The following ERBB2 variants were observed in gnomAD, a reference collection of about 807,000 sequenced individuals.
ERBB2 encodes erb-b2 receptor tyrosine kinase 2.
A neutral mutation model predicts 149.0 loss-of-function variants in ERBB2; 61 were observed. The ratio of observed to expected loss-of-function variants is 0.41; its 90% CI spans 0.33 to 0.51. ERBB2 has a LOEUF of 0.51. Ranked by LOEUF, ERBB2 falls within the 20% of genes least tolerant of loss-of-function variation. ERBB2 has a pLI of 0.25. For missense variants in ERBB2, 1,205 were observed against 1,655.1 expected (o/e 0.73, Z 4.72); for synonymous variants, 633 against 678.8 (o/e 0.93, Z 1.05).
rs1169487412 is a variant in ERBB2, at chr17:39,727,164, T to C, written c.3160-131T>C. ...TGCCTTCCAACCCCTGTGACCCCAT[T>C]CTCTCCACGGTGACTGTGTCATACC... is the stretch of plus-strand genomic sequence containing the variant. On this transcript the variant is annotated intron_variant, in intron 25 of 26. Coordinates refer to ENST00000269571, the MANE Select transcript of ERBB2 (RefSeq NM_004448.4). This position sits in a 1 kb window ranked among gnomAD's most constrained non-coding sequence, Gnocchi z 4.3. 4 of 1,285,342 alleles carry C rather than the reference T, an allele frequency of 3.1e-6. No individual in the cohort carries two copies. The highest frequency in any genetic ancestry group is 3.3e-6 in the Non-Finnish European group (3 of 916,396). The allele number at this position is 1,285,342 out of a possible 1,614,324, so 79.6% of individuals were successfully genotyped here.
At chr17:39,700,332 G>A in intron 1 of ERBB2, 21 bp downstream of exon 1, 1 of 1,358,634 alleles carries the variant, frequency 7.4e-7, no homozygotes, top group Non-Finnish European at 9.5e-7. Flanking sequence ...TGTGGGGAGG[G>A]GACGGAGCAG....
At chr17:39,693,586 A>G (rs1002830623), upstream of ERBB2, among the ~76,000 whole-genome samples, 2 of 151,548 alleles carry the variant, frequency 1.3e-5, no homozygotes, top group African/African-American at 4.8e-5. Context: ...GGCTAAAGCA[A>G]TCCTCTACTA....
chr17:39,728,098 G>A lies in ERBB2; in HGVS notation c.*54G>A. ...GATGTGTCCTCAGGGAGCAGGGAAG[G>A]CCTGACTTCTGCTGGCATCAAGAGG... On this transcript the variant is annotated 3_prime_UTR_variant, in exon 27 of 27. Transcript: ENST00000269571. 7.6e-7 allele frequency: 1 copy of A among 1,316,436 alleles called. No individual in the cohort carries two copies. The highest frequency in any genetic ancestry group is 2.2e-5 in the Admixed American group (1 of 44,770). The allele number at this position is 1,316,436 out of a possible 1,614,324, so 81.5% of individuals were successfully genotyped here. A position where few individuals can be genotyped will look rare whatever the true frequency, so the allele number is the denominator to read the frequency against.
At chr17:39,715,964 C>T in intron 12 of ERBB2, 25 bp downstream of exon 12, 2 of 1,597,936 alleles carry the variant, frequency 1.3e-6, no homozygotes, top group South Asian at 1.1e-5. Flanking sequence ...CCAGTGTGCG[C>T]ACTCCCCATC....
upstream of ERBB2, among the ~76,000 whole-genome samples, chr17:39,694,282 T>A (rs2057804019): frequency 1.8e-5 from 1 of 56,932 alleles, no homozygotes; most frequent in Admixed American, 1.8e-4. Flanking sequence ...TGTATATATA[T>A]ATATATACAC....
In ERBB2 at chr17:39,727,648, G is replaced by C. The variant is rs755006466; in HGVS notation, c.3413-41G>C. 1 of 1,548,244 alleles carries C rather than the reference G, an allele frequency of 6.5e-7. No individual in the cohort carries two copies. Among genetic ancestry groups the C allele is most frequent in the Admixed American group, 2.1e-5 (1 of 47,034 alleles). ...GCAGAGGGAGTGGCAGAGACACCGG[G>C]GTTCCTTCCCCTAATGGGTCACCTT... On this transcript the variant is annotated intron_variant, in intron 26 of 26. Transcript: ENST00000269571. The surrounding 1 kb of genome is among the most constrained non-coding windows in gnomAD (Gnocchi z 4.3).
chr17:39,705,284 C>T (rs564646063), intron 1 of ERBB2, among the ~76,000 whole-genome samples: 10 of 151,964 alleles, frequency 6.6e-5, no homozygotes, highest in Admixed American at 4.6e-4. Context: ...CGGACCCTGC[C>T]CCAGCCCTGT....
upstream of ERBB2, chr17:39,699,457 G>C: frequency 8.2e-7 from 1 of 1,224,584 alleles, no homozygotes; most frequent in Non-Finnish European, 1.1e-6. Flanking sequence ...GCAAAAGTTC[G>C]TTTAAAAAAA....
At chr17:39,714,378 T>G (rs1187990512) in intron 9 of ERBB2, among the ~76,000 whole-genome samples, 2 of 152,226 alleles carry the variant, frequency 1.3e-5, no homozygotes, top group Non-Finnish European at 2.9e-5. Context: ...GGAGCCAGAC[T>G]GCCTGGGTTT....
At chr17:39,695,704 TACACACACACAC>T (rs56249643), upstream of ERBB2, among the ~76,000 whole-genome samples, 986 of 96,650 alleles carry the variant, frequency 0.01, 22 homozygotes, top group African/African-American at 0.032. Context: ...GGTGCATGCA[TACACACACACAC>T]ACACACACAC....
chr17:39,708,167 C>A, intron 2 of ERBB2, 154 bp from the exon 3 acceptor site: 1 of 592,628 alleles, frequency 1.7e-6, no homozygotes, highest in South Asian at 2.2e-5. Flanking sequence ...AGGGCGTGAT[C>A]TTTATCTCTA....
At position 39,725,323 on chromosome 17, in the gene ERBB2, C is replaced by T. The variant is rs1350400134; in HGVS notation, c.2650-4C>T. On this transcript the variant is annotated splice_region_variant and splice_polypyrimidine_tract_variant and intron_variant, in intron 21 of 26. Transcript: ENST00000269571. The surrounding 1 kb of genome is among the most constrained non-coding windows in gnomAD (Gnocchi z 4.6). ...TTGGAGGACTTCCTCTTCTGCCCTC[C>T]CAGGTGCCCATCAAGTGGATGGCGC... 1 of 1,614,056 alleles carries T rather than the reference C, an allele frequency of 6.2e-7. No homozygotes were observed.
rs1232607400 is a variant in ERBB2, at chr17:39,723,697, A to T, written c.2208+37A>T. 6.3e-7 allele frequency: 1 copy of T among 1,584,256 alleles called. No individual in the cohort carries two copies. The highest frequency in any genetic ancestry group is 1.8e-5 in the Admixed American group (1 of 55,076). On this transcript the variant is annotated intron_variant, in intron 18 of 26. Transcript: ENST00000269571. This position sits in a 1 kb window ranked among gnomAD's most constrained non-coding sequence, Gnocchi z 6.2. ...GTCCTGGGGTGGGCGGCCCCAGAGG[A>T]TGGGGGCGGTGCCTGGAGGGGTGTG...
chr17:39,698,461 G>A (rs535602473), upstream of ERBB2, among the ~76,000 whole-genome samples: 28 of 151,552 alleles, frequency 1.8e-4, no homozygotes, highest in Admixed American at 2.6e-4. Flanking sequence ...GGGTTTCACC[G>A]TGTTAGCCAG....
Position 39,725,092 on chromosome 17 carries a change from T to G in ERBB2, c.2537T>G (p.Leu846Trp), listed in dbSNP as rs1344653128. The change falls in exon 21 of 27, where the codon TTG becomes TGG. Residue 846 changes from leucine (L) to tryptophan (W), a missense_variant. Transcript: ENST00000269571. This position sits in a 1 kb window ranked among gnomAD's most constrained non-coding sequence, Gnocchi z 4.6. ...GATGTGCGGCTCGTACACAGGGACTTGGCCGCTCGGAACGTGCTGGTCAAG... is the reference window on the plus strand; with the variant it reads ...GATGTGCGGCTCGTACACAGGGACTGGGCCGCTCGGAACGTGCTGGTCAAG... ...LEDVRLVHRD[L>W]AARNVLVKSP... The G allele has an allele frequency of 6.2e-7, 1 of 1,614,116 alleles. No homozygotes were observed. Among genetic ancestry groups the G allele is most frequent in the East Asian group, 2.2e-5 (1 of 44,860 alleles).
chr17:39,691,036 CAAA>C (rs753360328), upstream of ERBB2, among the ~76,000 whole-genome samples: 2 of 80,468 alleles, frequency 2.5e-5, no homozygotes, highest in Admixed American at 1.3e-4. Context: ...AACTCCGTTT[CAAA>C]AAAAAAAAAA....
chr17:39,713,319 G>C (rs1335447873), intron 9 of ERBB2: 1 of 151,886 alleles, frequency 6.6e-6, no homozygotes, highest in African/African-American at 2.4e-5. Context: ...TAGAGATGGG[G>C]TTTCACCATG....
intron 1 of ERBB2, among the ~76,000 whole-genome samples, chr17:39,705,093 A>T (rs1038744411): frequency 1.3e-5 from 2 of 151,852 alleles, no homozygotes; most frequent in Admixed American, 6.6e-5. Context: ...TCTTTGCAAG[A>T]TGGAGGTTGC....
rs1300276675 is a variant in ERBB2 at position 39,727,530 on chromosome 17, C to G, written c.3395C>G (p.Thr1132Ser). ...ACTGATGGCTACGTTGCCCCCCTGA[C>G]CTGCAGCCCCCAGCCTGGTATGGAG... is the stretch of plus-strand genomic sequence containing the variant. ...SETDGYVAPL[T>S]CSPQPEYVNQ... Residue 1132 changes from threonine to serine, a missense_variant, in exon 26 of 27, where the codon ACC becomes AGC. Around this residue, in one of 6 missense-constraint regions of ERBB2, gnomAD observed 312 missense variants for 343.8 expected, o/e 0.91. Coordinates refer to ENST00000269571, the MANE Select transcript of ERBB2 (RefSeq NM_004448.4). This position sits in a 1 kb window ranked among gnomAD's most constrained non-coding sequence, Gnocchi z 4.3. 6.2e-7 allele frequency: 1 copy of G among 1,602,338 alleles called. No homozygotes were observed. Among genetic ancestry groups the G allele is most frequent in the Admixed American group, 1.8e-5 (1 of 55,256 alleles).
Sources: allele counts gnomAD v4.1 joint callset (sites outside exome capture counted in the v4.1 genomes callset), GRCh38; gene constraint gnomAD v4.1.1; regional missense constraint gnomAD v4.1.1; non-coding constraint Gnocchi (gnomAD v3.1); transcripts MANE v1.5; gene names NCBI Gene and HGNC (gene_info 2026-07-23, HGNC 2026-07-21).